The following MICU3 variants were observed in gnomAD, a reference collection of about 807,000 sequenced individuals.
MICU3 encodes the protein calcium uptake protein 3, mitochondrial.
Under a neutral mutation model 66.5 loss-of-function variants are expected in MICU3, and 62 were observed. That is an observed-to-expected ratio of 0.93 (90% CI 0.76 to 1.15). The LOEUF is 1.15. Among genes scored for constraint, MICU3 ranks in the 50% most tolerant of loss-of-function variants. MICU3 has a pLI of 0.00. For missense variants in MICU3, 779 were observed against 664.4 expected (o/e 1.17, Z -1.90); for synonymous variants, 308 against 240.7 (o/e 1.28, Z -2.59).
downstream of MICU3, among the ~76,000 whole-genome samples, chr8:17,126,372 T>C (rs1174604759): frequency 6.6e-6 from 1 of 152,140 alleles, no homozygotes; most frequent in East Asian, 1.9e-4. Flanking sequence ...AGTTTTCCTG[T>C]CCTTGAGAAA....
chr8:17,106,642 TC>T (rs1801767710), intron 11 of MICU3, among the ~76,000 whole-genome samples: 1 of 151,930 alleles, frequency 6.6e-6, no homozygotes, highest in African/African-American at 2.4e-5. Flanking sequence ...TCTGAAAAAT[TC>T]CAATTTCTAG....
At chr8:17,086,916 C>G (rs2150744531) in intron 6 of MICU3, 48 bp from the exon 7 acceptor site, 1 of 1,290,412 alleles carries the variant, frequency 7.7e-7, no homozygotes, top group East Asian at 2.3e-5. Context: ...AGATAGGTGC[C>G]CAGAAACTCT....
intron 1 of MICU3, among the ~76,000 whole-genome samples, chr8:17,036,997 C>T (rs555435501): frequency 8.5e-5 from 13 of 152,342 alleles, no homozygotes; most frequent in East Asian, 7.7e-4. Context: ...AGAAATCGAG[C>T]GCAGCGCCCG....
intron 11 of MICU3, among the ~76,000 whole-genome samples, chr8:17,112,426 C>A: frequency 6.6e-6 from 1 of 152,164 alleles, no homozygotes; most frequent in Non-Finnish European, 1.5e-5. Flanking sequence ...GAAGAAATGG[C>A]CACACCCCTT....
chr8:17,120,272 TA>T lies in MICU3; in HGVS notation c.*1-15del, dbSNP rs1348580968. ...TAAATAAATATTGCTTTTGTGTTATTATTTTTTTTAATTAGATACTCCTAAA... is the reference window on the plus strand; with the variant it reads ...TAAATAAATATTGCTTTTGTGTTATTTTTTTTTTAATTAGATACTCCTAAA... On this transcript the variant is annotated splice_polypyrimidine_tract_variant and intron_variant, in intron 14 of 14. Coordinates refer to ENST00000318063, the MANE Select transcript of MICU3 (RefSeq NM_181723.3). 3 of 152,138 alleles carry T rather than the reference TA, an allele frequency of 2.0e-5. No homozygotes were observed. Among genetic ancestry groups the T allele is most frequent in the African/African-American group, 7.2e-5 (3 of 41,406 alleles). The allele number at this position is 152,138 out of a possible 1,614,324, so 9.4% of individuals were successfully genotyped here.
At position 17,118,724 on chromosome 8, in the gene MICU3, G is replaced by A. The variant is rs750811032; in HGVS notation, c.1542G>A (p.Gln514=). The part of the protein sequence containing the change: ...HRGFRGYKTV[Q]KYPTFKSCLK... ...TTTTACAGGGTTATAAAACAGTCCA[G>A]AAGTACCCCACTTTCAAATCCTGCC... Residue 514 remains glutamine (Q), a synonymous_variant, in exon 14 of 15, where the codon CAG becomes CAA. Coordinates refer to ENST00000318063, the MANE Select transcript of MICU3 (RefSeq NM_181723.3). 1 of 1,611,652 alleles carries A rather than the reference G, an allele frequency of 6.2e-7. No homozygotes were observed. Among genetic ancestry groups the A allele is most frequent in the African/African-American group, 1.3e-5 (1 of 74,876 alleles).
At chr8:17,028,245 C>T (rs1811381834) in intron 1 of MICU3, among the ~76,000 whole-genome samples, 2 of 152,188 alleles carry the variant, frequency 1.3e-5, no homozygotes, top group Admixed American at 1.3e-4. Flanking sequence ...AAGTATTTCT[C>T]TCTTTTTCCT....
In MICU3 at chr8:17,035,047, A is replaced by AT. The variant is rs1256334046; in HGVS notation, c.381+7388dup. 2.6e-5 allele frequency among the ~76,000 whole-genome samples: 4 copies of AT among 152,266 alleles called. No individual in the cohort carries two copies. The East Asian group carries it at 7.7e-4, about 29-fold the overall frequency. On this transcript the variant is annotated intron_variant, in intron 1 of 14. Transcript: ENST00000318063. ...TCCCACGCTGTCATCATGATAGTGA[A>AT]TAAGTCTCACAAGATCTGATGTTTT...
chr8:17,087,663 T>G (rs1269119072), intron 7 of MICU3, among the ~76,000 whole-genome samples: 1 of 152,076 alleles, frequency 6.6e-6, no homozygotes, highest in Non-Finnish European at 1.5e-5. Context: ...GTGCTTTCCA[T>G]ACATTTCTGA....
At position 17,116,593 on chromosome 8, in the gene MICU3, G is replaced by C; in HGVS notation, c.1517G>C (p.Gly506Ala). ...ATTATGAAAGACAGACTCCATAGAG[G>C]ATTCCGGGTAAACCTACACATTTTA... ...IGIMKDRLHRGFRGYKTVQKY... is the reference protein window; with the variant it reads ...IGIMKDRLHRAFRGYKTVQKY... The change falls in exon 13 of 15, where the codon GGA becomes GCA. Residue 506 changes from glycine (G) to alanine (A), a missense_variant. By Grantham distance (60) the Gly-to-Ala change is moderately conservative. Coordinates refer to ENST00000318063, the MANE Select transcript of MICU3 (RefSeq NM_181723.3). The C allele has an allele frequency of 6.4e-7, 1 of 1,559,666 alleles. No individual in the cohort carries two copies. Among genetic ancestry groups the C allele is most frequent in the Middle Eastern group, 1.7e-4 (1 of 5,788 alleles).
chr8:17,128,245 C>CAG, the MICU3 span, among the ~76,000 whole-genome samples: 2 of 151,650 alleles, frequency 1.3e-5, no homozygotes, highest in Non-Finnish European at 2.9e-5. Flanking sequence ...CACACACACA[C>CAG]ACACACACAC....
rs1218116954 is a variant in MICU3, at chr8:17,105,416, C to G, written c.1089C>G (p.Phe363Leu). ...AELNFEDFYR[F>L]MDNLQTEVLE... ...CTTTATTACATTTTTGTCATAGATT[C>G]ATGGATAATCTCCAAACAGAAGTTC... Residue 363 changes from phenylalanine (F) to leucine (L), a missense_variant, in exon 11 of 15, where the codon TTC becomes TTG. Transcript: ENST00000318063. 4 of 1,524,410 alleles carry G rather than the reference C, an allele frequency of 2.6e-6. No individual in the cohort carries two copies. Among genetic ancestry groups the G allele is most frequent in the Non-Finnish European group, 3.6e-6 (4 of 1,124,938 alleles). 94.4% of individuals were successfully genotyped at this position (1,524,410 alleles called of 1,614,324 possible).
chr8:17,122,737 C>G (rs1426038428), downstream of MICU3: 1 of 151,912 alleles, frequency 6.6e-6, no homozygotes, highest in African/African-American at 2.4e-5. Flanking sequence ...GTTACTAAAC[C>G]TCTTTTGATT....
intron 11 of MICU3, among the ~76,000 whole-genome samples, chr8:17,112,978 A>G (rs1802340281): frequency 1.3e-5 from 2 of 152,238 alleles, no homozygotes; most frequent in African/African-American, 2.4e-5. Context: ...GCAGGATCCA[A>G]GATTGGAATG....
intron 9 of MICU3, among the ~76,000 whole-genome samples, chr8:17,103,583 A>C (rs956893172): frequency 3.3e-5 from 5 of 151,614 alleles, no homozygotes; most frequent in Admixed American, 1.3e-4. Context: ...TGGAGAAGGA[A>C]GGAAGGAAGG....
Position 17,064,136 on chromosome 8 carries a change from G to C in MICU3, c.434G>C (p.Arg145Pro), listed in dbSNP as rs755652013. 5.5e-5 allele frequency: 88 copies of C among 1,613,170 alleles called. No individual in the cohort carries two copies. The highest frequency in any genetic ancestry group is 7.2e-5 in the Non-Finnish European group (85 of 1,179,458). Residue 145 changes from arginine (R) to proline (P), a missense_variant, in exon 2 of 15, where the codon CGG (arginine) becomes CCG (proline). Transcript: ENST00000318063. ...IEDLDLYATS[R>P]ERRFRLFASI... is the part of the protein sequence containing the mutation. ...GACTTAGACCTTTATGCCACATCTC[G>C]GGAGAGGCGATTTCGTTTATTTGCT...
intron 1 of MICU3, among the ~76,000 whole-genome samples, chr8:17,032,841 G>T (rs1288986910): frequency 1.3e-5 from 2 of 152,162 alleles, no homozygotes; most frequent in African/African-American, 2.4e-5. Context: ...TAATGTTTCT[G>T]TGTCATGTTT....
chr8:17,027,429 G>C lies in MICU3; in HGVS notation c.150G>C (p.Glu50Asp). 7.5e-7 allele frequency: 1 copy of C among 1,331,374 alleles called. No homozygotes were observed. Among genetic ancestry groups the C allele is most frequent in the East Asian group, 3.0e-5 (1 of 32,984 alleles). 82.5% of individuals were successfully genotyped at this position (1,331,374 alleles called of 1,614,324 possible). ...CCTTCTCCTCCCGAGAGGATGAGGA[G>C]AGGGCTGTGGCGGAGGCGGCATGGA... ...GRPFSSREDE[E>D]RAVAEAAWRR... The change falls in exon 1 of 15, where the codon GAG becomes GAC. Residue 50 changes from glutamate to aspartate, a missense_variant. Coordinates refer to ENST00000318063, the MANE Select transcript of MICU3 (RefSeq NM_181723.3).
chr8:17,054,175 G>A (rs1405388904), intron 1 of MICU3, among the ~76,000 whole-genome samples: 1 of 152,126 alleles, frequency 6.6e-6, no homozygotes, highest in Admixed American at 6.5e-5. Context: ...GTGAAAAATA[G>A]CACTATAAAA....
Sources: gnomAD v4.1 joint callset for allele counts (sites outside exome capture counted in the v4.1 genomes callset) on GRCh38, gnomAD v4.1.1 for gene constraint, MANE v1.5 for transcripts, NCBI Gene and HGNC (gene_info 2026-07-23, HGNC 2026-07-21) for gene names.